GPR158: variants seen among roughly 807,000 people sequenced by gnomAD.
GPR158 encodes the protein metabotropic glycine receptor.
GPR158 carries 30 observed loss-of-function variants against 78.2 expected under a neutral mutation model. The ratio of observed to expected loss-of-function variants is 0.38; its 90% confidence interval spans 0.29 to 0.52. The LOEUF (loss-of-function observed/expected upper bound fraction) is 0.52. GPR158 is among the 20% of genes least tolerant of loss of function. GPR158 has a pLI of 0.83. For synonymous variants in GPR158, 581 were observed against 591.1 expected (o/e 0.98, Z 0.25); for missense variants, 1,463 against 1,523.5 (o/e 0.96, Z 0.66).
intron 3 of GPR158, among the ~76,000 whole-genome samples, chr10:25,400,947 A>G (rs1426336127): frequency 1.3e-5 from 2 of 152,188 alleles, no homozygotes. Context: ...AGAGACATAA[A>G]GAGTATGCAG....
intron 2 of GPR158, among the ~76,000 whole-genome samples, chr10:25,331,469 T>C (rs1855121087): frequency 6.6e-6 from 1 of 152,224 alleles, no homozygotes; most frequent in South Asian, 2.1e-4. Context: ...CAGCTGGTTT[T>C]GATCTGTCTA....
At chr10:25,563,753 ATCTT>A (rs1836888816) in intron 6 of GPR158, among the ~76,000 whole-genome samples, 1 of 152,108 alleles carries the variant, frequency 6.6e-6, no homozygotes, top group African/African-American at 2.4e-5. Context: ...TGCAAATTAT[ATCTT>A]TAAGCATTAT....
At chr10:25,311,922 G>A (rs1372409597) in intron 2 of GPR158, among the ~76,000 whole-genome samples, 1 of 151,964 alleles carries the variant, frequency 6.6e-6, no homozygotes, top group Non-Finnish European at 1.5e-5. Context: ...TGATATGGTT[G>A]TACATTTTGT....
chr10:25,330,625 G>A (rs1855105534), intron 2 of GPR158, among the ~76,000 whole-genome samples: 2 of 152,032 alleles, frequency 1.3e-5, no homozygotes, highest in East Asian at 1.9e-4. Context: ...TGTGATACTG[G>A]GATTGAATTA....
chr10:25,241,235 TCTTTCCTTTCTTTC>T (rs1457974040), intron 2 of GPR158, among the ~76,000 whole-genome samples: 5 of 138,296 alleles, frequency 3.6e-5, no homozygotes, highest in Non-Finnish European at 6.1e-5. Flanking sequence ...TTCTTTCCTT[TCTTTCCTTTCTTTC>T]CTTTCTTTCC....
chr10:25,253,435 G>T (rs1853843635), intron 2 of GPR158, among the ~76,000 whole-genome samples: 1 of 152,128 alleles, frequency 6.6e-6, no homozygotes, highest in Non-Finnish European at 1.5e-5. Flanking sequence ...GCTTAAAAGA[G>T]CTATGAAATG....
Position 25,504,359 on chromosome 10 carries a change from C to T in GPR158, c.1404+37640C>T, listed in dbSNP as rs538587316. Among the ~76,000 whole-genome samples the T allele has an allele frequency of 2.6e-5, 4 of 152,304 alleles. No individual in the cohort carries two copies. In the South Asian group the frequency reaches 6.2e-4, roughly 24 times the overall value. ...CTTTTTCTAAATATATTGAGCCCCC[C>T]ATTCCTTAACTTGCTTTTATCTTTA... On this transcript the variant is annotated intron_variant, in intron 5 of 10. Transcript: ENST00000376351.
At chr10:25,446,628 A>T (rs931513229) in intron 4 of GPR158, among the ~76,000 whole-genome samples, 3 of 152,222 alleles carry the variant, frequency 2.0e-5, no homozygotes, top group Non-Finnish European at 4.4e-5. Context: ...AAGTGCCATT[A>T]TAGTCATTGT....
At chr10:25,388,364 C>A (rs1834249788) in intron 2 of GPR158, among the ~76,000 whole-genome samples, 1 of 152,200 alleles carries the variant, frequency 6.6e-6, no homozygotes, top group Non-Finnish European at 1.5e-5. Flanking sequence ...AACCACACCA[C>A]CCCCACCCTT....
intron 1 of GPR158, among the ~76,000 whole-genome samples, chr10:25,194,471 G>A (rs1219672401): frequency 1.3e-5 from 2 of 152,070 alleles, no homozygotes; most frequent in African/African-American, 2.4e-5. Context: ...CCCAGGAAGC[G>A]GAGGTTGCAG....
intron 2 of GPR158, among the ~76,000 whole-genome samples, chr10:25,241,289 CTTTTCT>C (rs1437137518): frequency 0.08 from 8,287 of 103,190 alleles, 666 homozygotes; most frequent in Non-Finnish European, 0.11. Context: ...TCTTTCTTTT[CTTTTCT>C]TTTCTTTTCT....
In GPR158 at chr10:25,254,402, A is replaced by G. The variant is rs969949761; in HGVS notation, c.1008+33245A>G. 8.5e-5 allele frequency among the ~76,000 whole-genome samples: 13 copies of G among 152,298 alleles called. 1 individual carries two copies. Among genetic ancestry groups the G allele is most frequent in the Admixed American group, 7.2e-4 (11 of 15,298 alleles). ...CCTGAAGAACAAAGCTTATCACCTG[A>G]AAAAACATAACTGCTTTAGTTTAAA... On this transcript the variant is annotated intron_variant, in intron 2 of 10. Transcript: ENST00000376351.
At chr10:25,376,356 G>GT (rs1195833679) in intron 2 of GPR158, among the ~76,000 whole-genome samples, 4 of 151,274 alleles carry the variant, frequency 2.6e-5, no homozygotes, top group South Asian at 2.1e-4. Context: ...AAATTATAGG[G>GT]TTTTTTTGTT....
chr10:25,317,268 G>C, intron 2 of GPR158, among the ~76,000 whole-genome samples: 1 of 151,712 alleles, frequency 6.6e-6, no homozygotes, highest in Non-Finnish European at 1.5e-5. Context: ...GGCTGGTCTC[G>C]AACTCCTGAC....
At chr10:25,400,043 TAC>T (rs961838025) in intron 3 of GPR158, among the ~76,000 whole-genome samples, 3 of 152,276 alleles carry the variant, frequency 2.0e-5, no homozygotes, top group Non-Finnish European at 4.4e-5. Context: ...TGAATACACA[TAC>T]ACACACATAT....
chr10:25,598,863 G>T lies in GPR158; in HGVS notation c.3237G>T (p.Gln1079His). The stretch of plus-strand genomic sequence containing the variant: ...TATGCCTTTGGGAGAGCCAAGGCCA[G>T]TCCATTTTGGAAGATGAGAAGCTTT... ...AEVCLWESQG[Q>H]SILEDEKLLI... Residue 1079 changes from glutamine to histidine, a missense_variant, in exon 11 of 11, where the codon CAG (glutamine) becomes CAT (histidine). Physicochemically the swap from Gln to His is conservative, Grantham distance 24 (BLOSUM62 0). Transcript: ENST00000376351. 1 of 1,614,118 alleles carries T rather than the reference G, an allele frequency of 6.2e-7. No individual in the cohort carries two copies. The highest frequency in any genetic ancestry group is 8.5e-7 in the Non-Finnish European group (1 of 1,180,016).
At chr10:25,540,536 C>G (rs1473080925) in intron 5 of GPR158, among the ~76,000 whole-genome samples, 1 of 152,068 alleles carries the variant, frequency 6.6e-6, no homozygotes, top group East Asian at 1.9e-4. Context: ...AGACTTGGAA[C>G]CAACCCAAAT....
chr10:25,388,801 G>GC (rs1443097313), intron 2 of GPR158, among the ~76,000 whole-genome samples: 2 of 152,304 alleles, frequency 1.3e-5, no homozygotes, highest in South Asian at 4.1e-4. Flanking sequence ...GCCTGGGAAG[G>GC]CCCCCTCCCT....
chr10:25,437,546 G>A (rs1835012989), intron 4 of GPR158, among the ~76,000 whole-genome samples: 1 of 152,196 alleles, frequency 6.6e-6, no homozygotes, highest in Non-Finnish European at 1.5e-5. Flanking sequence ...TTTTGATTGA[G>A]ATTGCATTTA....
Sources: gnomAD v4.1 joint callset for allele counts (sites outside exome capture counted in the v4.1 genomes callset) on GRCh38, gnomAD v4.1.1 for gene constraint, MANE v1.5 for transcripts, NCBI Gene and HGNC (gene_info 2026-07-23, HGNC 2026-07-21) for gene names.